ZNF578: variants seen among roughly 807,000 people sequenced by gnomAD.
ZNF578 encodes zinc finger protein 578.
Under a neutral mutation model 8.3 loss-of-function variants are expected in ZNF578, and 8 were observed. The observed-to-expected ratio is 0.96, with a 90% CI of 0.56 to 1.74. The LOEUF (loss-of-function observed/expected upper bound fraction) is 1.74, where lower values mean the gene tolerates loss of function less well. ZNF578 is among the 40% of genes most tolerant of loss of function. ZNF578 has a pLI of 0.00. For missense variants in ZNF578, 726 were observed against 707.5 expected, an observed-to-expected ratio of 1.03 and a Z score of -0.30; for synonymous variants, 206 against 232.2, an observed-to-expected ratio of 0.89 and a Z score of 1.03.
rs535231457 is a variant in ZNF578, at chr19:52,475,482, G to C, written c.-121-15842G>C. Among the ~76,000 whole-genome samples the C allele has an allele frequency of 2.6e-5, 4 of 151,780 alleles. No individual in the cohort carries two copies. The South Asian group carries it at 8.3e-4, about 32-fold the overall frequency. On this transcript the variant is annotated intron_variant, in intron 2 of 5. Transcript: ENST00000421239. ...AGCAGTTCTCCTGCCTCAGCCTCCT[G>C]AGTAGCTGAGATTACAGGCGCCAGC...
Position 52,512,018 on chromosome 19 carries a change from A to G in ZNF578, c.1637A>G (p.Lys546Arg). 3.1e-6 allele frequency: 5 copies of G among 1,614,132 alleles called. No homozygotes were observed. Among genetic ancestry groups the G allele is most frequent in the Non-Finnish European group, 4.2e-6 (5 of 1,180,018 alleles). Residue 546 changes from lysine (K) to arginine (R), a missense_variant, in exon 6 of 6, where the codon AAG (lysine) becomes AGG (arginine). Lys to Arg is a conservative substitution (Grantham distance 26). Coordinates refer to ENST00000421239, the MANE Select transcript of ZNF578 (RefSeq NM_001099694.2). ...EKPYKCKVCDKAFMCHSYLAN... is the reference protein window; with the variant it reads ...EKPYKCKVCDRAFMCHSYLAN... ...CCTTACAAATGTAAGGTTTGTGACA[A>G]GGCTTTCATGTGCCATTCTTATCTG...
rs145312087 is a variant in ZNF578 at position 52,474,874 on chromosome 19, C to T, written c.-121-16450C>T. On this transcript the variant is annotated intron_variant, in intron 2 of 5. Transcript: ENST00000421239. The stretch of plus-strand genomic sequence containing the variant: ...TTTGAATTGCAACTAAAGAACTTGC[C>T]GCATTCATTACATTTGTAAGGTTTC... 1,542 of 200,228 alleles carry T rather than the reference C, an allele frequency of 7.7e-3. 31 individuals are homozygous for T. Among genetic ancestry groups the T allele is most frequent in the African/African-American group, 0.034 (1,429 of 42,162 alleles). The allele number at this position is 200,228 out of a possible 1,614,324, so 12.4% of individuals were successfully genotyped here. A position where few individuals can be genotyped will look rare whatever the true frequency, so the allele number is the denominator to read the frequency against.
chr19:52,456,366 T>C (rs1290401189), intron 1 of ZNF578: 5 of 152,258 alleles, frequency 3.3e-5, no homozygotes, highest in African/African-American at 1.2e-4. Context: ...TTTGCAAATA[T>C]ATCTCTTGTG....
At chr19:52,472,892 GT>G (rs2059296461) in intron 2 of ZNF578, among the ~76,000 whole-genome samples, 1 of 152,086 alleles carries the variant, frequency 6.6e-6, no homozygotes, top group South Asian at 2.1e-4. Flanking sequence ...TCCACATGCC[GT>G]TGAACCTTTG....
At chr19:52,507,067 A>C (rs1215650839) in intron 5 of ZNF578, among the ~76,000 whole-genome samples, 3 of 152,150 alleles carry the variant, frequency 2.0e-5, no homozygotes, top group African/African-American at 7.2e-5. Context: ...AGTCGGGCAA[A>C]CATAATGAAA....
Position 52,512,529 on chromosome 19 carries a change from C to A in ZNF578, c.*375C>A, listed in dbSNP as rs1047778938. 6.6e-6 allele frequency among the ~76,000 whole-genome samples: 1 copy of A among 152,158 alleles called. No homozygotes were observed. The highest frequency in any genetic ancestry group is 1.5e-5 in the Non-Finnish European group (1 of 68,042). ...AACCTTACAAATGTCATGACTGTGGCAAGGTCTTCAGTCAAGCTTCATCCT... is the reference window on the plus strand; with the variant it reads ...AACCTTACAAATGTCATGACTGTGGAAAGGTCTTCAGTCAAGCTTCATCCT... On this transcript the variant is annotated 3_prime_UTR_variant, in exon 6 of 6. Transcript: ENST00000421239.
At chr19:52,465,534 A>C (rs903963649) in intron 2 of ZNF578, among the ~76,000 whole-genome samples, 16 of 152,180 alleles carry the variant, frequency 1.1e-4, no homozygotes, top group African/African-American at 3.4e-4. Flanking sequence ...CAATGACCAA[A>C]CTGACCAAAC....
At chr19:52,479,366 T>C (rs74610173) in intron 2 of ZNF578, among the ~76,000 whole-genome samples, 15,128 of 151,650 alleles carry the variant, frequency 0.1, 1,283 homozygotes, top group East Asian at 0.33. Flanking sequence ...AAACCCCATC[T>C]CTACTAAAAA....
chr19:52,510,660 T>G lies in ZNF578; in HGVS notation c.279T>G (p.His93Gln), dbSNP rs1384604961. ...TCCACACAGGGATGTTGCAAAGACA[T>G]GAAAGTTATCACACTGGAGATTTTT... The part of the protein sequence containing the change: ...EVIHTGMLQR[H>Q]ESYHTGDFCF... The change falls in exon 6 of 6, where the codon CAT becomes CAG. Residue 93 changes from histidine to glutamine, a missense_variant. Physicochemically the swap from His to Gln is conservative, Grantham distance 24 (BLOSUM62 0). Transcript: ENST00000421239. The G allele has an allele frequency of 2.1e-5, 34 of 1,612,552 alleles. No homozygotes were observed. Among genetic ancestry groups the G allele is most frequent in the Non-Finnish European group, 2.9e-5 (34 of 1,179,404 alleles).
chr19:52,453,727 T>C (rs1246831832), intron 1 of ZNF578, 120 bp downstream of exon 1: 1 of 152,260 alleles, frequency 6.6e-6, no homozygotes, highest in African/African-American at 2.4e-5. Context: ...GGTATATTAA[T>C]ACGTCGCCAA....
chr19:52,489,257 A>C (rs993030856), intron 2 of ZNF578, among the ~76,000 whole-genome samples: 2 of 152,080 alleles, frequency 1.3e-5, no homozygotes, highest in East Asian at 1.9e-4. Flanking sequence ...AAAAAACAAA[A>C]AAAGAAATAG....
chr19:52,492,156 TCAAAAAAAAA>T (rs1175416177), intron 3 of ZNF578, among the ~76,000 whole-genome samples: 3 of 36,448 alleles, frequency 8.2e-5, no homozygotes, highest in African/African-American at 3.6e-4. Context: ...AGATTCTGTC[TCAAAAAAAAA>T]AAAAAAAAAA....
chr19:52,499,408 G>A (rs567672020), intron 3 of ZNF578, among the ~76,000 whole-genome samples: 4 of 152,210 alleles, frequency 2.6e-5, no homozygotes, highest in Admixed American at 2.6e-4. Context: ...CTACAATCCT[G>A]TGTCCAGTAG....
rs768245216 is a variant in ZNF578 at position 52,510,676 on chromosome 19, G to A, written c.295G>A (p.Gly99Arg). The A allele has an allele frequency of 6.2e-7, 1 of 1,613,370 alleles. No homozygotes were observed. The highest frequency in any genetic ancestry group is 1.3e-5 in the African/African-American group (1 of 74,846). Residue 99 changes from glycine to arginine, a missense_variant, in exon 6 of 6, where the codon GGA becomes AGA. Coordinates refer to ENST00000421239, the MANE Select transcript of ZNF578 (RefSeq NM_001099694.2). ...GCAAAGACATGAAAGTTATCACACT[G>A]GAGATTTTTGCTTCCAGGAAATTGA... ...MLQRHESYHTGDFCFQEIEKD... is the reference protein window; with the variant it reads ...MLQRHESYHTRDFCFQEIEKD...
intron 5 of ZNF578, among the ~76,000 whole-genome samples, chr19:52,506,462 C>CCTT (rs2059425963): frequency 9.2e-6 from 1 of 109,148 alleles, no homozygotes; most frequent in Non-Finnish European, 1.8e-5. Context: ...AGTACAGTTT[C>CCTT]TTTTTTTTTT....
intron 3 of ZNF578, among the ~76,000 whole-genome samples, chr19:52,498,684 C>CGTTTTTTTTTTTT (rs2059395891): frequency 1.9e-5 from 2 of 106,820 alleles, no homozygotes; most frequent in African/African-American, 4.1e-5. Flanking sequence ...CGCCTGGCCG[C>CGTTTTTTTTTTTT]TTTTTTTTTT....
intron 2 of ZNF578, among the ~76,000 whole-genome samples, chr19:52,472,263 G>A (rs972292652): frequency 1.1e-4 from 16 of 152,162 alleles, no homozygotes; most frequent in Non-Finnish European, 2.1e-4. Context: ...TCTTCCTGTG[G>A]TGGGATAAAA....
chr19:52,511,746 C>T lies in ZNF578; in HGVS notation c.1365C>T (p.Tyr455=), dbSNP rs1379818975. ...HHRLHTGEKS[Y]KCEECDRVFS... Reference sequence around the variant, plus strand: ...GACTTCATACTGGAGAGAAATCTTACAAATGTGAAGAATGTGACAGAGTTT... The same window carrying T: ...GACTTCATACTGGAGAGAAATCTTATAAATGTGAAGAATGTGACAGAGTTT... The change falls in exon 6 of 6, where the codon TAC becomes TAT. Residue 455 remains tyrosine (Y), a synonymous_variant. Transcript: ENST00000421239. The T allele has an allele frequency of 6.2e-7, 1 of 1,613,400 alleles. No individual in the cohort carries two copies. The highest frequency in any genetic ancestry group is 1.7e-5 in the Admixed American group (1 of 59,986).
intron 2 of ZNF578, among the ~76,000 whole-genome samples, chr19:52,464,225 C>T (rs1193691629): frequency 1.3e-5 from 2 of 152,138 alleles, no homozygotes; most frequent in Non-Finnish European, 2.9e-5. Context: ...GTAGGGAAGA[C>T]AATGAATTGT....
Sources: allele counts gnomAD v4.1 joint callset (sites outside exome capture counted in the v4.1 genomes callset), GRCh38; gene constraint gnomAD v4.1.1; transcripts MANE v1.5; gene names NCBI Gene and HGNC (gene_info 2026-07-23, HGNC 2026-07-21).